Variants in METTL9 observed in about 807,000 individuals in gnomAD.
The protein encoded by METTL9 is methyltransferase 9, His-X-His N1(pi)-histidine.
METTL9 carries 10 observed loss-of-function variants against 36.0 expected under a neutral mutation model. That is an observed-to-expected ratio of 0.28 (90% CI 0.17 to 0.47). The LOEUF (loss-of-function observed/expected upper bound fraction) is 0.47. Ranked by LOEUF, METTL9 falls within the 20% of genes least tolerant of loss-of-function variation. The probability of loss-of-function intolerance (pLI) is 0.99; values close to 1 mark genes in which losing one functional copy is unlikely to be tolerated. For synonymous variants in METTL9, 175 were observed against 149.7 expected (o/e 1.17, Z -1.23); for missense variants, 246 against 383.5 (o/e 0.64, Z 3.00).
At chr16:21,608,281 A>G (rs201139053) in intron 1 of METTL9, among the ~76,000 whole-genome samples, 2 of 152,234 alleles carry the variant, frequency 1.3e-5, no homozygotes, top group East Asian at 3.9e-4. Flanking sequence ...AGTCCTGCCC[A>G]TTGGGTTAAA....
intron 4 of METTL9, among the ~76,000 whole-genome samples, chr16:21,651,175 A>C (rs1966565217): frequency 6.6e-6 from 1 of 152,190 alleles, no homozygotes; most frequent in Non-Finnish European, 1.5e-5. Context: ...GTGAGCCGAG[A>C]TCTTGCCACT....
At chr16:21,603,389 T>A (rs928929488) in intron 1 of METTL9, among the ~76,000 whole-genome samples, 9 of 152,140 alleles carry the variant, frequency 5.9e-5, no homozygotes, top group Non-Finnish European at 1.3e-4. Flanking sequence ...TCTTCCCACA[T>A]CGGCTTCCCA....
chr16:21,614,797 C>T (rs972923565), intron 2 of METTL9, among the ~76,000 whole-genome samples: 26 of 152,082 alleles, frequency 1.7e-4, no homozygotes, highest in African/African-American at 5.6e-4. Context: ...TGCATCTCTC[C>T]GTAGACTCTT....
chr16:21,652,532 C>T (rs143387566), intron 4 of METTL9: 20 of 1,605,174 alleles, frequency 1.2e-5, no homozygotes, highest in African/African-American at 9.4e-5. Flanking sequence ...AGAACCTTAC[C>T]GACACAAAAT....
chr16:21,612,946 C>T (rs987810978), intron 2 of METTL9, 111 bp downstream of exon 2: 13 of 942,146 alleles, frequency 1.4e-5, no homozygotes, highest in Non-Finnish European at 2.0e-5. Flanking sequence ...AGCTACAATA[C>T]TTCTACTAGT....
At chr16:21,652,475 G>A in intron 4 of METTL9, 2 of 1,348,586 alleles carry the variant, frequency 1.5e-6, no homozygotes, top group Non-Finnish European at 2.1e-6. Flanking sequence ...AATGCATTAG[G>A]TGAAAAATAG....
chr16:21,628,694 C>T (rs769015766), intron 4 of METTL9, among the ~76,000 whole-genome samples: 24 of 152,058 alleles, frequency 1.6e-4, no homozygotes, highest in Admixed American at 3.9e-4. Flanking sequence ...GGGCGTCTGG[C>T]GGCGTTGTCC....
At chr16:21,599,514 G>A, upstream of METTL9, 1 of 1,257,764 alleles carries the variant, frequency 8.0e-7, no homozygotes, top group Admixed American at 4.5e-5. The surrounding 1 kb of genome is among the most constrained non-coding windows in gnomAD (Gnocchi z 4.4). Context: ...CTGGTGCAGG[G>A]GGCAGCGGCG....
chr16:21,626,524 C>A (rs1252284125), intron 4 of METTL9, among the ~76,000 whole-genome samples: 2 of 152,098 alleles, frequency 1.3e-5, no homozygotes, highest in Non-Finnish European at 2.9e-5. Context: ...ATGGGGAATT[C>A]TTTCGATATA....
Position 21,633,486 on chromosome 16 carries a change from T to C in METTL9, c.751+8371T>C, listed in dbSNP as rs184020627. Among the ~76,000 whole-genome samples, 92 of 152,026 alleles carry C rather than the reference T, an allele frequency of 6.1e-4. 1 individual carries two copies. The highest frequency in any genetic ancestry group is 2.0e-3 in the African/African-American group (84 of 41,508). ...CTTGGGGCAAGACTGTCCACGTAAA[T>C]TGGGATGTGTGGTCTGTGGGATCCT... On this transcript the variant is annotated intron_variant, in intron 4 of 4. Coordinates refer to ENST00000358154, the MANE Select transcript of METTL9 (RefSeq NM_016025.5).
intron 4 of METTL9, among the ~76,000 whole-genome samples, chr16:21,634,535 GGTTT>G (rs1326986062): frequency 6.6e-6 from 1 of 152,168 alleles, no homozygotes; most frequent in African/African-American, 2.4e-5. Flanking sequence ...GAACCACCAA[GGTTT>G]GTTTGTCTGA....
chr16:21,625,343 T>C, intron 4 of METTL9: 1 of 510,076 alleles, frequency 2.0e-6, no homozygotes, highest in Non-Finnish European at 3.5e-6. Flanking sequence ...AATATTTAGC[T>C]GGGTCTGACT....
At chr16:21,626,304 C>T (rs1232854739) in intron 4 of METTL9, among the ~76,000 whole-genome samples, 1 of 152,164 alleles carries the variant, frequency 6.6e-6, no homozygotes, top group Non-Finnish European at 1.5e-5. Context: ...TAGGATTTTG[C>T]AAATGTCATT....
At chr16:21,643,270 C>T (rs995962877) in intron 4 of METTL9, 12 of 748,260 alleles carry the variant, frequency 1.6e-5, no homozygotes, top group Non-Finnish European at 2.6e-5. Flanking sequence ...TACCCCCTCC[C>T]CCAACACATA....
chr16:21,642,739 C>T (rs538130370), intron 4 of METTL9, among the ~76,000 whole-genome samples: 1 of 152,212 alleles, frequency 6.6e-6, no homozygotes, highest in African/African-American at 2.4e-5. Context: ...ATCTACTGAA[C>T]GCCTACCACT....
chr16:21,609,939 C>T (rs1258098611), intron 1 of METTL9, among the ~76,000 whole-genome samples: 2 of 152,056 alleles, frequency 1.3e-5, no homozygotes, highest in Non-Finnish European at 2.9e-5. Context: ...TAACTGCCAC[C>T]TGCATATTTA....
intron 1 of METTL9, among the ~76,000 whole-genome samples, chr16:21,609,856 A>G (rs1965385716): frequency 6.6e-6 from 1 of 152,184 alleles, no homozygotes; most frequent in South Asian, 2.1e-4. Context: ...TCAGATTTGC[A>G]TTTAAAATTT....
intron 4 of METTL9, among the ~76,000 whole-genome samples, chr16:21,646,167 T>TC (rs397767681): frequency 2.6e-5 from 4 of 151,552 alleles, no homozygotes; most frequent in Non-Finnish European, 5.9e-5. Flanking sequence ...CCTTTTTTTT[T>TC]CTCGGGAATG....
intron 4 of METTL9, among the ~76,000 whole-genome samples, chr16:21,629,277 G>A (rs1190586149): frequency 6.6e-6 from 1 of 152,128 alleles, no homozygotes; most frequent in Admixed American, 6.5e-5. Flanking sequence ...GGGGTCTTTA[G>A]GAGGTGATTA....
Sources: gnomAD v4.1 joint callset for allele counts (sites outside exome capture counted in the v4.1 genomes callset) on GRCh38, gnomAD v4.1.1 for gene constraint, Gnocchi (gnomAD v3.1) non-coding constraint, MANE v1.5 for transcripts, NCBI Gene and HGNC (gene_info 2026-07-23, HGNC 2026-07-21) for gene names.